CDH23: variants seen among roughly 807,000 people sequenced by gnomAD.
CDH23 encodes the protein cadherin related 23.
CDH23 carries 189 observed loss-of-function variants against 317.1 expected under a neutral mutation model. That is an observed-to-expected ratio of 0.60 (90% confidence interval 0.53 to 0.67). The LOEUF is 0.67. CDH23 is among the 30% of genes least tolerant of loss of function. CDH23 has a pLI of 0.00. For missense variants in CDH23, 4,401 were observed against 4,592.4 expected (o/e 0.96, Z 1.20); for synonymous variants, 1,839 against 1,876.8 (o/e 0.98, Z 0.52).
At chr10:71,529,632 C>A (rs1855244110) in intron 6 of CDH23, among the ~76,000 whole-genome samples, 1 of 152,174 alleles carries the variant, frequency 6.6e-6, no homozygotes, top group African/African-American at 2.4e-5. Flanking sequence ...CCGTCACACA[C>A]CCTTCCAATC....
At chr10:71,617,013 CT>C in intron 10 of CDH23, among the ~76,000 whole-genome samples, 191 bp from the exon 11 acceptor site, 1 of 152,312 alleles carries the variant, frequency 6.6e-6, no homozygotes, top group South Asian at 2.1e-4. Flanking sequence ...CTTAGTCTCT[CT>C]GAACCTCAGT....
chr10:71,465,401 C>A (rs1851199180), intron 3 of CDH23, among the ~76,000 whole-genome samples: 1 of 152,258 alleles, frequency 6.6e-6, no homozygotes, highest in Non-Finnish European at 1.5e-5. Context: ...ATCCCTAAGA[C>A]AAAGGACATT....
At chr10:71,727,448 C>T (rs1040831585) in intron 30 of CDH23, among the ~76,000 whole-genome samples, 3 of 152,226 alleles carry the variant, frequency 2.0e-5, no homozygotes, top group Non-Finnish European at 2.9e-5. Context: ...CCATGAGACC[C>T]GGGAGAGCTG....
At chr10:71,569,116 A>G (rs903786842) in intron 7 of CDH23, among the ~76,000 whole-genome samples, 1 of 152,164 alleles carries the variant, frequency 6.6e-6, no homozygotes, top group African/African-American at 2.4e-5. Context: ...GGCAGTGCCC[A>G]AGCCTGCCGT....
chr10:71,653,763 C>T (rs1488020354), intron 14 of CDH23, among the ~76,000 whole-genome samples: 1 of 152,250 alleles, frequency 6.6e-6, no homozygotes. Flanking sequence ...AGGTGCTTAG[C>T]TGTGTCCTGA....
chr10:71,660,093 C>T (rs140538839), intron 14 of CDH23, among the ~76,000 whole-genome samples: 3,376 of 151,766 alleles, frequency 0.022, 184 homozygotes, highest in East Asian at 0.15. Context: ...CCTGAGTAGC[C>T]GGGATTACAG....
chr10:71,540,710 C>G (rs1208544503), intron 6 of CDH23, among the ~76,000 whole-genome samples: 1 of 152,124 alleles, frequency 6.6e-6, no homozygotes, highest in Non-Finnish European at 1.5e-5. Context: ...TGAGAAATTC[C>G]CCAGCAGCCC....
At chr10:71,664,894 C>T (rs754226544) in intron 14 of CDH23, among the ~76,000 whole-genome samples, 28 of 146,436 alleles carry the variant, frequency 1.9e-4, no homozygotes, top group Non-Finnish European at 1.6e-4. Context: ...CTCTCCCCTC[C>T]CCATCTTCCT....
chr10:71,716,554 G>T (rs1334370922), intron 28 of CDH23: 2 of 458,138 alleles, frequency 4.4e-6, no homozygotes, highest in East Asian at 7.0e-5. Context: ...CTGGGCCCAA[G>T]CTCAGGCCCT....
intron 4 of CDH23, 144 bp downstream of exon 4, chr10:71,510,368 T>C (rs1853896944): frequency 1.0e-6 from 1 of 969,350 alleles, no homozygotes; most frequent in Admixed American, 2.5e-5. Context: ...TGAATGGTAT[T>C]CCTCTTCAAG....
rs74972169 is a variant in CDH23 at position 71,753,185 on chromosome 10, G to A, written c.4845+11264G>A. On this transcript the variant is annotated intron_variant, in intron 38 of 69. Coordinates refer to ENST00000224721, the MANE Select transcript of CDH23 (RefSeq NM_022124.6). ...AGCAAGCGATCTGCGTGTCTGTCCA[G>A]CAGATGGGGCCTCCATGAGGGGCCC... 4.8e-3 allele frequency among the ~76,000 whole-genome samples: 737 copies of A among 152,336 alleles called. 7 individuals are homozygous for A. The highest frequency in any genetic ancestry group is 0.017 in the African/African-American group (704 of 41,584).
chr10:71,495,201 T>C (rs922757390), intron 3 of CDH23, among the ~76,000 whole-genome samples: 1 of 152,178 alleles, frequency 6.6e-6, no homozygotes, highest in African/African-American at 2.4e-5. Context: ...TAGTGCGATA[T>C]CATTCTCAAC....
intron 46 of CDH23, 96 bp from the exon 47 acceptor site, chr10:71,791,036 C>T (rs2132949210): frequency 2.1e-6 from 2 of 937,770 alleles, no homozygotes; most frequent in African/African-American, 1.6e-5. Context: ...CATGGTGCCC[C>T]TGTCTTTCTC....
At chr10:71,452,498 AG>A (rs1850498364) in intron 3 of CDH23, among the ~76,000 whole-genome samples, 1 of 152,006 alleles carries the variant, frequency 6.6e-6, no homozygotes, top group Non-Finnish European at 1.5e-5. Flanking sequence ...TTCCTTGGCC[AG>A]GGGTGCCCTT....
intron 6 of CDH23, among the ~76,000 whole-genome samples, chr10:71,512,698 C>A (rs935797593): frequency 3.3e-5 from 5 of 152,204 alleles, no homozygotes; most frequent in Admixed American, 2.0e-4. Flanking sequence ...TGGGGGCCAG[C>A]CTTTTCCTCT....
At chr10:71,458,143 A>C (rs1850790910) in intron 3 of CDH23, among the ~76,000 whole-genome samples, 1 of 152,208 alleles carries the variant, frequency 6.6e-6, no homozygotes, top group Admixed American at 6.5e-5. Context: ...CACTCCCCTC[A>C]TCAGGACTGT....
chr10:71,680,346 G>A (rs1864565678), intron 17 of CDH23, among the ~76,000 whole-genome samples: 1 of 152,222 alleles, frequency 6.6e-6, no homozygotes, highest in African/African-American at 2.4e-5. Context: ...GCCTGGGTTA[G>A]GTGCCCCCAG....
In CDH23 at chr10:71,784,878, C is replaced by A. The variant is rs2132939030; in HGVS notation, c.5503-13C>A. The A allele has an allele frequency of 6.2e-7, 1 of 1,611,554 alleles. No individual in the cohort carries two copies. Among genetic ancestry groups the A allele is most frequent in the Non-Finnish European group, 8.5e-7 (1 of 1,177,632 alleles). ...TCTTCCTCCCCTCCCTCCTCCTTCT[C>A]TGACTGGCCCAGATGCTGGTGGGGA... On this transcript the variant is annotated splice_polypyrimidine_tract_variant and intron_variant, in intron 42 of 69. Transcript: ENST00000224721.
At position 71,488,731 on chromosome 10, in the gene CDH23, A is replaced by G. The variant is rs189783218; in HGVS notation, c.146-21351A>G. On this transcript the variant is annotated intron_variant, in intron 3 of 69. Coordinates refer to ENST00000224721, the MANE Select transcript of CDH23 (RefSeq NM_022124.6). ...ACATATGTGCCCTGCAACTCACTAC[A>G]TTGTTCACCTGAACTTCTTTCTTCA... Among the ~76,000 whole-genome samples the G allele has an allele frequency of 6.8e-4, 103 of 152,350 alleles. 1 individual carries two copies. The South Asian group carries it at 0.015, about 23-fold the overall frequency.
Sources: allele counts gnomAD v4.1 joint callset (sites outside exome capture counted in the v4.1 genomes callset), GRCh38; gene constraint gnomAD v4.1.1; transcripts MANE v1.5; gene names NCBI Gene and HGNC (gene_info 2026-07-23, HGNC 2026-07-21).